Variants in IDO1 observed in about 807,000 individuals in gnomAD.
IDO1 encodes the protein indoleamine 2,3-dioxygenase 1, also known as indolamine 2,3 dioxygenase.
IDO1 carries 35 observed loss-of-function variants against 38.8 expected under a neutral mutation model. The ratio of observed to expected loss-of-function variants is 0.90; its 90% CI spans 0.69 to 1.20. IDO1 has a LOEUF of 1.20. IDO1 is among the 50% of genes most tolerant of loss of function. IDO1 has a pLI of 0.00. For synonymous variants in IDO1, 171 were observed against 170.0 expected (o/e 1.01, Z -0.05); for missense variants, 509 against 485.1 (o/e 1.05, Z -0.46).
chr8:39,917,771 G>T, intron 1 of IDO1, 104 bp from the exon 2 acceptor site: 3 of 720,972 alleles, frequency 4.2e-6, no homozygotes, highest in East Asian at 5.4e-5. Flanking sequence ...ATATGCCAGG[G>T]CAACATTGCA....
intron 6 of IDO1, chr8:39,922,872 G>A: frequency 3.8e-6 from 2 of 532,934 alleles, no homozygotes; most frequent in South Asian, 2.5e-5. Context: ...AACCTCTGTA[G>A]GAGATAAAAA....
intron 8 of IDO1, 120 bp downstream of exon 8, chr8:39,924,892 A>G (rs1807336716): frequency 2.6e-6 from 2 of 778,164 alleles, no homozygotes; most frequent in South Asian, 1.5e-5. Flanking sequence ...AAAAATTCAC[A>G]TGGTAGAAAA....
At chr8:39,916,182 A>C (rs1807173071) in intron 1 of IDO1, among the ~76,000 whole-genome samples, 1 of 144,336 alleles carries the variant, frequency 6.9e-6, no homozygotes, top group Non-Finnish European at 1.5e-5. Context: ...TAATAATAAT[A>C]ATAGTAATTC....
chr8:39,914,677 A>T (rs1807146062), intron 1 of IDO1, among the ~76,000 whole-genome samples: 1 of 152,236 alleles, frequency 6.6e-6, no homozygotes, highest in Admixed American at 6.5e-5. Flanking sequence ...TATTTTAATT[A>T]TCAAATACAG....
intron 8 of IDO1, 56 bp downstream of exon 8, chr8:39,924,828 A>G: frequency 1.6e-6 from 2 of 1,289,060 alleles, no homozygotes; most frequent in South Asian, 1.2e-5. Flanking sequence ...AACACCACCA[A>G]ATTCTCTTGG....
At chr8:39,921,737 G>A (rs1273108532) in intron 5 of IDO1, among the ~76,000 whole-genome samples, 4 of 152,028 alleles carry the variant, frequency 2.6e-5, no homozygotes, top group East Asian at 1.9e-4. Context: ...TTGCACCAAC[G>A]CCCAAACTTC....
At chr8:39,919,375 G>A (rs1563415365) in intron 4 of IDO1, among the ~76,000 whole-genome samples, 1 of 152,022 alleles carries the variant, frequency 6.6e-6, no homozygotes, top group Non-Finnish European at 1.5e-5. Context: ...AGACTCTTGT[G>A]TCTGGCTTCT....
chr8:39,921,197 T>G (rs1807267102), intron 5 of IDO1, among the ~76,000 whole-genome samples: 1 of 152,160 alleles, frequency 6.6e-6, no homozygotes, highest in Admixed American at 6.5e-5. Flanking sequence ...AGATTAATTT[T>G]TTTTTTTAAA....
intron 9 of IDO1, 60 bp downstream of exon 9, chr8:39,925,431 T>C: frequency 6.8e-7 from 1 of 1,470,724 alleles, no homozygotes; most frequent in South Asian, 1.3e-5. Context: ...TATTTGGATA[T>C]CTACAAAGCA....
intron 7 of IDO1, 89 bp downstream of exon 7, chr8:39,923,675 C>A: frequency 2.9e-6 from 2 of 695,404 alleles, no homozygotes; most frequent in Non-Finnish European, 5.0e-6. Flanking sequence ...CAAAAAGCAA[C>A]TATCACTTAG....
chr8:39,926,654 T>C (rs1447588833), intron 9 of IDO1, among the ~76,000 whole-genome samples: 1 of 152,228 alleles, frequency 6.6e-6, no homozygotes, highest in African/African-American at 2.4e-5. Context: ...TTTTCTTAAT[T>C]TGAGCACTCA....
Position 39,925,322 on chromosome 8 carries a change from C to T in IDO1, c.807C>T (p.Val269=), listed in dbSNP as rs377110494. The change falls in exon 9 of 10, where the codon GTC becomes GTT. Residue 269 remains valine (V), a synonymous_variant. Transcript: ENST00000518237. Reference sequence around the variant, plus strand: ...GGGGCAGTGCAGGCCAAAGCAGCGTCTTTCAGTGCTTTGACGTCCTGCTGG... The same window carrying T: ...GGGGCAGTGCAGGCCAAAGCAGCGTTTTTCAGTGCTTTGACGTCCTGCTGG... ...FAGGSAGQSS[V]FQCFDVLLGI... 50 of 1,613,050 alleles carry T rather than the reference C, an allele frequency of 3.1e-5. No homozygotes were observed. The highest frequency in any genetic ancestry group is 4.1e-5 in the Non-Finnish European group (48 of 1,179,606).
At chr8:39,925,200 T>C in intron 8 of IDO1, 23 bp from the exon 9 acceptor site, 1 of 1,556,214 alleles carries the variant, frequency 6.4e-7, no homozygotes, top group Non-Finnish European at 8.7e-7. Context: ...GATTTTTCTT[T>C]TTTTCTTTCT....
chr8:39,922,869 G>T, intron 6 of IDO1: 1 of 538,376 alleles, frequency 1.9e-6, no homozygotes. Flanking sequence ...TGAAACCTCT[G>T]TAGGAGATAA....
chr8:39,918,367 C>T, intron 3 of IDO1, 160 bp downstream of exon 3: 1 of 628,182 alleles, frequency 1.6e-6, no homozygotes, highest in South Asian at 2.2e-5. Context: ...TTGACATGTC[C>T]ACTGTTATCA....
At chr8:39,922,436 C>G in intron 5 of IDO1, 116 bp from the exon 6 acceptor site, 1 of 698,294 alleles carries the variant, frequency 1.4e-6, no homozygotes, top group Non-Finnish European at 2.6e-6. Flanking sequence ...GATAGTAAGG[C>G]CTGCCACACC....
chr8:39,923,229 C>T (rs1418658695), intron 6 of IDO1, among the ~76,000 whole-genome samples: 1 of 151,990 alleles, frequency 6.6e-6, no homozygotes, highest in African/African-American at 2.4e-5. Context: ...CATGGCGAAA[C>T]CCCGTCTCTA....
At chr8:39,927,760 A>T in intron 9 of IDO1, 70 bp from the exon 10 acceptor site, 1 of 960,628 alleles carries the variant, frequency 1.0e-6, no homozygotes, top group Non-Finnish European at 1.5e-6. Flanking sequence ...CTCTGACCTC[A>T]CTCTGCCTTT....
intron 5 of IDO1, among the ~76,000 whole-genome samples, chr8:39,921,514 TA>T (rs1166213436): frequency 2.6e-5 from 4 of 152,126 alleles, no homozygotes; most frequent in Non-Finnish European, 5.9e-5. Context: ...GATAAGGAGT[TA>T]AAACAGTATC....
Sources: allele counts gnomAD v4.1 joint callset (sites outside exome capture counted in the v4.1 genomes callset), GRCh38; gene constraint gnomAD v4.1.1; transcripts MANE v1.5; gene names NCBI Gene and HGNC (gene_info 2026-07-23, HGNC 2026-07-21).